Variants in SKIC3 observed in about 807,000 individuals in gnomAD.
The protein encoded by SKIC3 is SKI3 subunit of superkiller complex, also known as superkiller complex protein 3.
At chr5:95,512,858 G>C in the SKIC3 span, 3 of 460,042 alleles carry the variant, frequency 6.5e-6, no homozygotes, top group Non-Finnish European at 1.1e-5. Context: ...GCAGAAAACA[G>C]AGCCTTGCCT....
At chr5:95,515,200 C>T in the SKIC3 span, 1 of 383,316 alleles carries the variant, frequency 2.6e-6, no homozygotes, top group Non-Finnish European at 5.0e-6. Flanking sequence ...TTTAACCAAC[C>T]AATCATCCAT....
chr5:95,478,217 T>A, the SKIC3 span: 2 of 1,537,948 alleles, frequency 1.3e-6, no homozygotes, highest in Admixed American at 3.6e-5. Flanking sequence ...AATATTACTA[T>A]GTAAAAAGCC....
chr5:95,509,221 A>G, the SKIC3 span, among the ~76,000 whole-genome samples: 1 of 152,226 alleles, frequency 6.6e-6, no homozygotes. Flanking sequence ...ATAAACAATG[A>G]TAACATTGCA....
the SKIC3 span, chr5:95,521,405 T>C: frequency 6.6e-6 from 1 of 151,678 alleles, no homozygotes; most frequent in South Asian, 2.1e-4. Flanking sequence ...AAAACCGGAA[T>C]GATAAAAAGA....
At chr5:95,526,704 A>G in the SKIC3 span, among the ~76,000 whole-genome samples, 2 of 152,084 alleles carry the variant, frequency 1.3e-5, no homozygotes, top group African/African-American at 4.8e-5. Context: ...CCTGACCTCA[A>G]GTGATCCACC....
chr5:95,524,102 C>T, the SKIC3 span, among the ~76,000 whole-genome samples: 1 of 152,042 alleles, frequency 6.6e-6, no homozygotes, highest in Non-Finnish European at 1.5e-5. Flanking sequence ...AATTAATCTG[C>T]TCTTACAAGT....
chr5:95,469,784 C>A, the SKIC3 span: 1 of 1,613,910 alleles, frequency 6.2e-7, no homozygotes, highest in Non-Finnish European at 8.5e-7. Context: ...TCATACCTTG[C>A]CCCCATTTTG....
the SKIC3 span, among the ~76,000 whole-genome samples, chr5:95,510,585 G>GC: frequency 6.6e-6 from 1 of 152,004 alleles, no homozygotes; most frequent in Non-Finnish European, 1.5e-5. Context: ...TGATCTTGTG[G>GC]CCCCCACCCA....
chr5:95,484,788 G>A, the SKIC3 span: 20 of 1,614,020 alleles, frequency 1.2e-5, no homozygotes, highest in Admixed American at 1.7e-5. Flanking sequence ...GACAGCTTGT[G>A]AGAGAGACCA....
the SKIC3 span, chr5:95,507,076 G>A: frequency 7.0e-7 from 1 of 1,424,684 alleles, no homozygotes; most frequent in Non-Finnish European, 9.8e-7. Flanking sequence ...TTCCTCTTTA[G>A]CTGAATCCAC....
the SKIC3 span, among the ~76,000 whole-genome samples, chr5:95,492,289 C>T: frequency 6.6e-6 from 1 of 151,950 alleles, no homozygotes; most frequent in East Asian, 1.9e-4. Flanking sequence ...CAGGTCTAGC[C>T]GTGCCACTAA....
chr5:95,537,137 A>G, the SKIC3 span: 2 of 1,613,002 alleles, frequency 1.2e-6, no homozygotes, highest in Admixed American at 3.3e-5. Context: ...AAAAGCAGTA[A>G]AAAGCTGAAA....
chr5:95,504,458 A>T, the SKIC3 span, among the ~76,000 whole-genome samples: 1 of 151,888 alleles, frequency 6.6e-6, no homozygotes, highest in East Asian at 1.9e-4. Context: ...AAAATCCCAA[A>T]TTATAAAAAT....
chr5:95,524,904 G>A, the SKIC3 span, among the ~76,000 whole-genome samples: 2 of 151,078 alleles, frequency 1.3e-5, no homozygotes, highest in African/African-American at 2.4e-5. Flanking sequence ...TATTTTTTGA[G>A]TCCGAGTCTT....
At chr5:95,516,447 C>T in the SKIC3 span, 2 of 1,612,504 alleles carry the variant, frequency 1.2e-6, no homozygotes, top group Non-Finnish European at 1.7e-6. Flanking sequence ...AAATAGGCCC[C>T]TTGTCTAGTT....
At chr5:95,495,026 G>A in the SKIC3 span, 4 of 1,613,060 alleles carry the variant, frequency 2.5e-6, no homozygotes, top group South Asian at 4.4e-5. Context: ...CCCTAGAACA[G>A]AAAATATTGA....
At chr5:95,485,690 T>C in the SKIC3 span, among the ~76,000 whole-genome samples, 1 of 152,176 alleles carries the variant, frequency 6.6e-6, no homozygotes, top group Non-Finnish European at 1.5e-5. Flanking sequence ...ATGGGTATTA[T>C]TTTTCCTTAA....
At chr5:95,526,640 AT>A in the SKIC3 span, among the ~76,000 whole-genome samples, 2 of 151,874 alleles carry the variant, frequency 1.3e-5, no homozygotes, top group Non-Finnish European at 2.9e-5. Flanking sequence ...AGCCAGACTA[AT>A]TTTTCTATTT....
chr5:95,522,415 T>C, the SKIC3 span: 5 of 1,366,598 alleles, frequency 3.7e-6, no homozygotes, highest in Non-Finnish European at 4.0e-6. Flanking sequence ...CTGTGGCTCC[T>C]TCTACTTATA....
Sources: allele counts gnomAD v4.1 joint callset (sites outside exome capture counted in the v4.1 genomes callset), GRCh38; gene constraint gnomAD v4.1.1; transcripts MANE v1.5; gene names NCBI Gene and HGNC (gene_info 2026-07-23, HGNC 2026-07-21).